OPRM1: variants seen among roughly 807,000 people sequenced by gnomAD.
The protein encoded by OPRM1 is opioid receptor mu 1.
A neutral mutation model predicts 31.8 loss-of-function variants in OPRM1; 27 were observed. That is an observed-to-expected ratio of 0.85 (90% CI 0.63 to 1.17). The LOEUF (loss-of-function observed/expected upper bound fraction) is 1.17, where lower values mean the gene tolerates loss of function less well. Ranked by LOEUF, OPRM1 falls within the 50% of genes most tolerant of loss-of-function variation. The pLI, the probability that OPRM1 is intolerant of heterozygous loss-of-function variation, is 0.00. For missense variants in OPRM1, 536 were observed against 511.1 expected (o/e 1.05, Z -0.47); for synonymous variants, 196 against 189.9 (o/e 1.03, Z -0.26).
chr6:154,028,143 CCTGAGTATTGCTG>C (rs1445530582), intron 1 of OPRM1, among the ~76,000 whole-genome samples: 22 of 152,282 alleles, frequency 1.4e-4, no homozygotes, highest in Non-Finnish European at 3.2e-4. Context: ...CGACATAGTA[CCTGAGTATTGCTG>C]CTGGTTATTC....
chr6:154,213,716 C>G (rs1282979290), intron 3 of OPRM1, among the ~76,000 whole-genome samples: 6 of 152,174 alleles, frequency 3.9e-5, no homozygotes, highest in South Asian at 2.1e-4. Context: ...GAATTAGACT[C>G]CTGTAGCTTT....
rs560593230 is a variant in OPRM1, at chr6:154,180,339, AAAGGAG to A, written c.1165-66352_1165-66347del. ...AGCTACCTAACTAGTTAGACTCAAG[AAAGGAG>A]ACATATATATATATATACTGAGCTA... On this transcript the variant is annotated intron_variant, in intron 3 of 3. Transcript: ENST00000337049. Among the ~76,000 whole-genome samples, 861 of 131,394 alleles carry A rather than the reference AAAGGAG, an allele frequency of 6.6e-3. 12 individuals are homozygous for A. Among genetic ancestry groups the A allele is most frequent in the African/African-American group, 0.023 (835 of 36,594 alleles). 86.2% of individuals were successfully genotyped at this position (131,394 alleles called of 152,430 possible).
intron 3 of OPRM1, among the ~76,000 whole-genome samples, chr6:154,236,013 T>C: frequency 6.6e-6 from 1 of 152,142 alleles, no homozygotes; most frequent in East Asian, 1.9e-4. Flanking sequence ...TCAAAAACAA[T>C]TAAGATAGAA....
At chr6:154,197,111 C>G (rs1326413246) in intron 3 of OPRM1, among the ~76,000 whole-genome samples, 1 of 152,096 alleles carries the variant, frequency 6.6e-6, no homozygotes, top group Non-Finnish European at 1.5e-5. Context: ...AATCCTAGCT[C>G]TCATTTTGAA....
chr6:154,077,163 C>A (rs1406931710), intron 1 of OPRM1, among the ~76,000 whole-genome samples: 1 of 152,150 alleles, frequency 6.6e-6, no homozygotes, highest in Non-Finnish European at 1.5e-5. Flanking sequence ...TTCAGTTTCT[C>A]AGGGACATTG....
At chr6:154,071,343 T>C (rs1375838641) in intron 1 of OPRM1, among the ~76,000 whole-genome samples, 1 of 152,182 alleles carries the variant, frequency 6.6e-6, no homozygotes, top group East Asian at 1.9e-4. Flanking sequence ...ATGCCAAGAT[T>C]TCAGTGAGGC....
chr6:154,030,411 AT>A (rs906164927), intron 1 of OPRM1, among the ~76,000 whole-genome samples: 1 of 152,214 alleles, frequency 6.6e-6, no homozygotes, highest in African/African-American at 2.4e-5. Flanking sequence ...GAATTTAAAC[AT>A]TTGATAGTAA....
chr6:154,201,022 T>C (rs1777024679), intron 3 of OPRM1, among the ~76,000 whole-genome samples: 1 of 152,118 alleles, frequency 6.6e-6, no homozygotes, highest in African/African-American at 2.4e-5. Context: ...TCTCATGAGA[T>C]CTGATAGTTT....
chr6:154,032,321 T>C (rs1779055155), intron 1 of OPRM1, among the ~76,000 whole-genome samples: 1 of 152,224 alleles, frequency 6.6e-6, no homozygotes, highest in African/African-American at 2.4e-5. Context: ...AAACTCACTT[T>C]TACAAATGAA....
At chr6:154,199,493 G>A (rs1202349996) in intron 3 of OPRM1, among the ~76,000 whole-genome samples, 1 of 152,228 alleles carries the variant, frequency 6.6e-6, no homozygotes, top group Non-Finnish European at 1.5e-5. Flanking sequence ...CCTAGTAGCT[G>A]GAGTTGTCCA....
chr6:154,017,873 G>C (rs956204784), intron 1 of OPRM1, among the ~76,000 whole-genome samples: 2 of 133,828 alleles, frequency 1.5e-5, no homozygotes, highest in Non-Finnish European at 3.1e-5. Flanking sequence ...TAACTGTGCT[G>C]TTTCCTTTTC....
rs1268185631 is a variant in OPRM1, at chr6:154,089,905, C to T, written c.370C>T (p.Pro124Ser). The part of the protein sequence containing the change: ...LADALATSTL[P>S]FQSVNYLMGT... Reference sequence around the variant, plus strand: ...AGATGCCTTAGCCACCAGTACCCTGCCCTTCCAGAGTGTGAATTACCTAAT... The same window carrying T: ...AGATGCCTTAGCCACCAGTACCCTGTCCTTCCAGAGTGTGAATTACCTAAT... The change falls in exon 2 of 4, where the codon CCC becomes TCC. Residue 124 changes from proline to serine, a missense_variant. Transcript: ENST00000330432. 1.9e-6 allele frequency: 3 copies of T among 1,614,076 alleles called. No individual in the cohort carries two copies. The highest frequency in any genetic ancestry group is 2.7e-5 in the African/African-American group (2 of 75,022).
intron 3 of OPRM1, among the ~76,000 whole-genome samples, chr6:154,188,380 G>A (rs546594681): frequency 3.7e-4 from 57 of 152,200 alleles, no homozygotes; most frequent in Non-Finnish European, 6.8e-4. Context: ...GAGGTAAAGA[G>A]ACCAATTTCA....
chr6:154,104,645 T>G (rs1248227106), intron 3 of OPRM1, among the ~76,000 whole-genome samples: 1 of 152,196 alleles, frequency 6.6e-6, no homozygotes, highest in Non-Finnish European at 1.5e-5. Flanking sequence ...AAACATAATA[T>G]TTCTCTCTCT....
chr6:154,239,552 G>A (rs1428247144), intron 3 of OPRM1, among the ~76,000 whole-genome samples: 3 of 152,136 alleles, frequency 2.0e-5, no homozygotes, highest in Non-Finnish European at 4.4e-5. Context: ...CGGTAAACCG[G>A]TCACCTACAG....
chr6:154,013,666 T>C (rs2128376238), intron 1 of OPRM1, among the ~76,000 whole-genome samples: 1 of 152,296 alleles, frequency 6.6e-6, no homozygotes, highest in East Asian at 1.9e-4. Context: ...AATACGTATT[T>C]ATTGCTCATG....
intron 3 of OPRM1, among the ~76,000 whole-genome samples, chr6:154,242,254 A>C (rs980603398): frequency 6.6e-6 from 1 of 152,064 alleles, no homozygotes; most frequent in Admixed American, 6.5e-5. Context: ...CCTAATCGGA[A>C]CCTTGGGGCC....
chr6:154,086,754 C>T (rs1247340259), intron 1 of OPRM1: 16 of 985,128 alleles, frequency 1.6e-5, no homozygotes, highest in African/African-American at 5.2e-5. Flanking sequence ...AGATAAGCCA[C>T]GAAATGTAAG....
At chr6:154,079,509 C>T (rs752900312) in intron 1 of OPRM1, among the ~76,000 whole-genome samples, 4 of 151,774 alleles carry the variant, frequency 2.6e-5, no homozygotes, top group South Asian at 2.1e-4. Flanking sequence ...GGCAGGGGCT[C>T]GAAATATGTG....
Sources: allele counts gnomAD v4.1 joint callset (sites outside exome capture counted in the v4.1 genomes callset), GRCh38; gene constraint gnomAD v4.1.1; transcripts MANE v1.5; gene names NCBI Gene and HGNC (gene_info 2026-07-23, HGNC 2026-07-21).